MPZL1: variants seen among roughly 807,000 people sequenced by gnomAD.
The protein encoded by MPZL1 is myelin protein zero-like protein 1.
A neutral mutation model predicts 29.3 loss-of-function variants in MPZL1; 16 were observed. The observed-to-expected ratio is 0.55, with a 90% CI of 0.37 to 0.83. The LOEUF is 0.83. MPZL1 is among the 40% of genes least tolerant of loss of function. The pLI, the probability that MPZL1 is intolerant of heterozygous loss-of-function variation, is 0.00. For missense variants in MPZL1, 279 were observed against 332.9 expected (o/e 0.84, Z 1.26); for synonymous variants, 143 against 132.0 (o/e 1.08, Z -0.57).
At position 167,732,104 on chromosome 1, in the gene MPZL1, A is replaced by C. The variant is rs1039573846; in HGVS notation, c.91+9862A>C. Among the ~76,000 whole-genome samples, 27 of 152,334 alleles carry C rather than the reference A, an allele frequency of 1.8e-4. 1 individual carries two copies. The highest frequency in any genetic ancestry group is 1.3e-3 in the Admixed American group (20 of 15,290). On this transcript the variant is annotated intron_variant, in intron 1 of 5. Transcript: ENST00000359523. ...GGATGCTGCCCTGTACTCTCTAGGG[A>C]CTACTACATAATATATAGTATAGGT...
chr1:167,767,654 A>G (rs1444224694), intron 2 of MPZL1, among the ~76,000 whole-genome samples: 1 of 152,086 alleles, frequency 6.6e-6, no homozygotes, highest in African/African-American at 2.4e-5. Flanking sequence ...TTTTGTTTTT[A>G]TAGGTTTTAC....
chr1:167,771,044 C>T (rs554664363), intron 2 of MPZL1, among the ~76,000 whole-genome samples: 1 of 144,860 alleles, frequency 6.9e-6, no homozygotes, highest in Non-Finnish European at 1.5e-5. Context: ...GGGTGTTTCT[C>T]GGAGAGGGGG....
chr1:167,739,424 A>G (rs906524875), intron 1 of MPZL1, among the ~76,000 whole-genome samples: 3 of 151,210 alleles, frequency 2.0e-5, no homozygotes, highest in African/African-American at 7.3e-5. Flanking sequence ...TTGTTGAATG[A>G]ATTTATTGGT....
chr1:167,784,814 A>G (rs1000022546), intron 5 of MPZL1, among the ~76,000 whole-genome samples: 16 of 152,346 alleles, frequency 1.1e-4, no homozygotes, highest in African/African-American at 3.6e-4. Flanking sequence ...GGGAAGAGGA[A>G]TGAGGATAAC....
intron 1 of MPZL1, among the ~76,000 whole-genome samples, 199 bp downstream of exon 1, chr1:167,722,441 C>T (rs933893190): frequency 6.6e-6 from 1 of 152,194 alleles, no homozygotes; most frequent in East Asian, 1.9e-4. Context: ...AGGCGCAGAG[C>T]CTCTTTCTTC....
intron 1 of MPZL1, among the ~76,000 whole-genome samples, chr1:167,732,298 T>A (rs1271599845): frequency 1.3e-5 from 2 of 152,184 alleles, no homozygotes; most frequent in Admixed American, 1.3e-4. Flanking sequence ...ATGGCAAAAC[T>A]GCATCTTTGG....
intron 1 of MPZL1, among the ~76,000 whole-genome samples, chr1:167,737,911 G>C (rs10918755): frequency 0.31 from 47,233 of 151,740 alleles, 7,676 homozygotes; most frequent in African/African-American, 0.41. Context: ...GAGATTTCTT[G>C]TGTTTTTTTG....
At chr1:167,743,762 T>C (rs1027018798) in intron 1 of MPZL1, among the ~76,000 whole-genome samples, 1 of 152,128 alleles carries the variant, frequency 6.6e-6, no homozygotes, top group African/African-American at 2.4e-5. Context: ...TAATTTTGCA[T>C]CTGGAAACTG....
chr1:167,762,220 C>T (rs1020213356), intron 1 of MPZL1, among the ~76,000 whole-genome samples: 1 of 152,136 alleles, frequency 6.6e-6, no homozygotes, highest in Non-Finnish European at 1.5e-5. Flanking sequence ...AGGGGTGCTG[C>T]TCAACATCCT....
At chr1:167,730,380 G>A (rs1480635391) in intron 1 of MPZL1, among the ~76,000 whole-genome samples, 2 of 152,050 alleles carry the variant, frequency 1.3e-5, no homozygotes, top group African/African-American at 4.8e-5. Flanking sequence ...CCTGGTTCAA[G>A]TGATTCTCCC....
At chr1:167,775,522 T>C (rs1661347659) in intron 4 of MPZL1, among the ~76,000 whole-genome samples, 1 of 152,152 alleles carries the variant, frequency 6.6e-6, no homozygotes, top group East Asian at 1.9e-4. Flanking sequence ...TTCCTGAGTT[T>C]TTGGGGGGAT....
intron 1 of MPZL1, among the ~76,000 whole-genome samples, chr1:167,746,740 A>G (rs1660653922): frequency 6.6e-6 from 1 of 152,156 alleles, no homozygotes; most frequent in Non-Finnish European, 1.5e-5. Context: ...GAAATTTAGG[A>G]GTGGAACATG....
rs1356150802 is a variant in MPZL1, at chr1:167,789,192, C to T, written c.*1271C>T. The stretch of plus-strand genomic sequence containing the variant: ...CTCCTATTCACTACTCCCCACCGCA[C>T]TTAAAATCTATGAGTTTTTACTTTT... On this transcript the variant is annotated 3_prime_UTR_variant, in exon 6 of 6. Transcript: ENST00000359523. 1 of 152,190 alleles carries T rather than the reference C, an allele frequency of 6.6e-6. No individual in the cohort carries two copies. The highest frequency in any genetic ancestry group is 2.4e-5 in the African/African-American group (1 of 41,440). The allele number at this position is 152,190 out of a possible 1,614,324, so 9.4% of individuals were successfully genotyped here.
At position 167,765,627 on chromosome 1, in the gene MPZL1, A is replaced by G. The variant is rs369822857; in HGVS notation, c.136A>G (p.Ile46Val). 2.4e-5 allele frequency: 38 copies of G among 1,612,980 alleles called. 1 individual carries two copies. Among genetic ancestry groups the G allele is most frequent in the Non-Finnish European group, 2.5e-5 (29 of 1,179,546 alleles). The change falls in exon 2 of 6, where the codon ATC (isoleucine) becomes GTC (valine). Residue 46 changes from isoleucine to valine, a missense_variant. Transcript: ENST00000359523. ...SALEVYTPKE[I>V]FVANGTQGKL... Reference sequence around the variant, plus strand: ...CTTGGAAGTATATACGCCAAAAGAAATCTTCGTGGCAAATGGTACACAAGG... The same window carrying G: ...CTTGGAAGTATATACGCCAAAAGAAGTCTTCGTGGCAAATGGTACACAAGG...
chr1:167,751,806 A>G (rs1660766570), intron 1 of MPZL1, among the ~76,000 whole-genome samples: 1 of 152,214 alleles, frequency 6.6e-6, no homozygotes, highest in South Asian at 2.1e-4. Context: ...TTGTTTTTGA[A>G]AGATTTAGAG....
Position 167,722,013 on chromosome 1 carries a change from GT to G in MPZL1, c.-138del. 1 of 1,179,820 alleles carries G rather than the reference GT, an allele frequency of 8.5e-7. No individual in the cohort carries two copies. 73.1% of individuals were successfully genotyped at this position (1,179,820 alleles called of 1,614,324 possible). A position where few individuals can be genotyped will look rare whatever the true frequency, so the allele number is the denominator to read the frequency against. On this transcript the variant is annotated 5_prime_UTR_variant, in exon 1 of 6. Transcript: ENST00000359523. Reference sequence around the variant, plus strand: ...CTGGAGAGCCGCGGCTGGGACCGGAGTGGGGAGCGCGGCGTGGAGGTGCCAC... The same window carrying G: ...CTGGAGAGCCGCGGCTGGGACCGGAGGGGGAGCGCGGCGTGGAGGTGCCAC...
At chr1:167,735,380 T>G (rs1660356745) in intron 1 of MPZL1, among the ~76,000 whole-genome samples, 1 of 152,186 alleles carries the variant, frequency 6.6e-6, no homozygotes. Context: ...GAGAGCCAAG[T>G]CCTGAAACCC....
chr1:167,748,906 T>C (rs753327309), intron 1 of MPZL1, among the ~76,000 whole-genome samples: 3 of 152,262 alleles, frequency 2.0e-5, no homozygotes, highest in Admixed American at 6.5e-5. Context: ...TATTCTCTTA[T>C]GTTGATATAT....
intron 5 of MPZL1, among the ~76,000 whole-genome samples, chr1:167,782,676 T>C (rs543312007): frequency 5.6e-4 from 85 of 152,338 alleles, no homozygotes; most frequent in Non-Finnish European, 1.0e-3. Flanking sequence ...AAAAAGGACT[T>C]GGCAGATGTG....
Sources: allele counts gnomAD v4.1 joint callset (sites outside exome capture counted in the v4.1 genomes callset), GRCh38; gene constraint gnomAD v4.1.1; transcripts MANE v1.5; gene names NCBI Gene and HGNC (gene_info 2026-07-23, HGNC 2026-07-21).